The following MRO variants were observed in gnomAD, a reference collection of about 807,000 sequenced individuals.
MRO encodes the protein protein maestro.
MRO carries 28 observed loss-of-function variants against 31.0 expected under a neutral mutation model. The observed-to-expected ratio is 0.90, with a 90% CI of 0.67 to 1.24. MRO has a LOEUF of 1.24. Ranked by LOEUF, MRO falls within the 50% of genes most tolerant of loss-of-function variation. MRO has a pLI of 0.00. For missense variants in MRO, 332 were observed against 289.2 expected (o/e 1.15, Z -1.07); for synonymous variants, 108 against 108.4 (o/e 1.00, Z 0.02).
At chr18:50,807,608 T>C (rs1164001171) in intron 3 of MRO, among the ~76,000 whole-genome samples, 1 of 152,000 alleles carries the variant, frequency 6.6e-6, no homozygotes, top group African/African-American at 2.4e-5. Flanking sequence ...ATTTCAGCAC[T>C]GATCTAGTAC....
chr18:50,802,904 AT>A (rs1359164709), intron 5 of MRO, among the ~76,000 whole-genome samples: 2 of 147,756 alleles, frequency 1.4e-5, no homozygotes, highest in African/African-American at 5.2e-5. Flanking sequence ...GTGTTTGTGT[AT>A]GTGTGTGTGT....
At chr18:50,822,304 T>TGAGTGC (rs1164924184), upstream of MRO, among the ~76,000 whole-genome samples, 5 of 151,620 alleles carry the variant, frequency 3.3e-5, no homozygotes, top group African/African-American at 1.2e-4. Flanking sequence ...ACATGTGTAT[T>TGAGTGC]ACAATGTGTA....
intron 5 of MRO, among the ~76,000 whole-genome samples, chr18:50,802,911 T>TA (rs1913508601): frequency 8.5e-6 from 1 of 117,404 alleles, no homozygotes; most frequent in African/African-American, 3.6e-5. Flanking sequence ...TGTATGTGTG[T>TA]GTGTAGTGTG....
chr18:50,808,505 C>T (rs1282649785), intron 3 of MRO, among the ~76,000 whole-genome samples: 2 of 149,260 alleles, frequency 1.3e-5, no homozygotes, highest in African/African-American at 4.9e-5. Context: ...GTCGCCCAGG[C>T]TGCAGTGCAG....
Position 50,800,021 on chromosome 18 carries a change from C to A in MRO, c.693+15G>T. 6.3e-7 allele frequency: 1 copy of A among 1,588,824 alleles called. No homozygotes were observed. The highest frequency in any genetic ancestry group is 8.6e-7 in the Non-Finnish European group (1 of 1,157,610). On this transcript the variant is annotated intron_variant, in intron 7 of 7. Transcript: ENST00000398439. Reference sequence around the variant, plus strand: ...GGGACCGGAAAAGAATTCTCTCCTACCCTGGCTCACTCACCAGCTGCTGGT... The same window carrying A: ...GGGACCGGAAAAGAATTCTCTCCTAACCTGGCTCACTCACCAGCTGCTGGT...
chr18:50,821,652 C>T (rs891800180), upstream of MRO, among the ~76,000 whole-genome samples: 1 of 152,042 alleles, frequency 6.6e-6, no homozygotes, highest in African/African-American at 2.4e-5. Flanking sequence ...TGAACAGAAA[C>T]ACAACAAACT....
chr18:50,813,166 T>C (rs1436930963), intron 2 of MRO, among the ~76,000 whole-genome samples: 1 of 152,166 alleles, frequency 6.6e-6, no homozygotes, highest in Admixed American at 6.5e-5. Flanking sequence ...ATTTGGTCCA[T>C]GAAACCCCAG....
intron 2 of MRO, among the ~76,000 whole-genome samples, chr18:50,818,002 C>CG (rs1299860414): frequency 2.7e-4 from 31 of 116,042 alleles, no homozygotes; most frequent in Non-Finnish European, 5.2e-4. Context: ...CCACCCCCCG[C>CG]CCCATGCCCT....
At chr18:50,805,450 CT>C (rs1374639226) in intron 4 of MRO, 114 bp from the exon 5 acceptor site, 18 of 787,750 alleles carry the variant, frequency 2.3e-5, no homozygotes, top group Non-Finnish European at 3.2e-5. Flanking sequence ...CACACCAGGG[CT>C]TTTTTCAAGA....
In MRO at chr18:50,801,427, T is replaced by A; in HGVS notation, c.507A>T (p.Lys169Asn). The A allele has an allele frequency of 6.2e-7, 1 of 1,611,594 alleles. No individual in the cohort carries two copies. Among genetic ancestry groups the A allele is most frequent in the Non-Finnish European group, 8.5e-7 (1 of 1,178,464 alleles). Residue 169 changes from lysine to asparagine, a missense_variant, in exon 6 of 8, where the codon AAA becomes AAT. Physicochemically the swap from Lys to Asn is moderately conservative, Grantham distance 94 (BLOSUM62 0). Coordinates refer to ENST00000398439, the MANE Select transcript of MRO (RefSeq NM_031939.6). ...LAAFAGRKWK[K>N]FFTSQVKQTR... ...TCTGCTTAACCTGACTGGTGAAAAA[T>A]TTTTTCCATTTCCTCCCGGCAAAGG... is the stretch of plus-strand genomic sequence containing the variant.
chr18:50,806,595 G>T (rs570555133), intron 4 of MRO, 109 bp downstream of exon 4: 41 of 1,324,712 alleles, frequency 3.1e-5, no homozygotes, highest in Non-Finnish European at 3.8e-5. Context: ...TTGTTCCGGG[G>T]TGATAGATAA....
upstream of MRO, among the ~76,000 whole-genome samples, chr18:50,820,627 T>C (rs1016307887): frequency 1.3e-5 from 2 of 152,228 alleles, no homozygotes; most frequent in African/African-American, 4.8e-5. Flanking sequence ...TTACATAGAC[T>C]ATCTCATTCA....
At chr18:50,820,285 A>G (rs1915256144), upstream of MRO, among the ~76,000 whole-genome samples, 1 of 152,206 alleles carries the variant, frequency 6.6e-6, no homozygotes, top group Non-Finnish European at 1.5e-5. Flanking sequence ...CTGCTCAAGA[A>G]ACACCGTATG....
intron 2 of MRO, among the ~76,000 whole-genome samples, chr18:50,817,500 T>C (rs1915026210): frequency 6.8e-6 from 1 of 146,230 alleles, no homozygotes; most frequent in Admixed American, 6.8e-5. Flanking sequence ...CTCTAAAAAA[T>C]AAAAATAAAT....
intron 2 of MRO, chr18:50,815,293 T>G: frequency 3.7e-6 from 1 of 267,476 alleles, no homozygotes; most frequent in Admixed American, 3.8e-5. Flanking sequence ...TGGCTGGTCA[T>G]GGAGGAAACT....
chr18:50,815,626 A>G (rs1473349631), intron 2 of MRO: 2 of 323,448 alleles, frequency 6.2e-6, no homozygotes, highest in African/African-American at 2.2e-5. Context: ...CGATCAAATT[A>G]TGAATGCATG....
intron 5 of MRO, among the ~76,000 whole-genome samples, chr18:50,802,117 T>C (rs573048228): frequency 6.6e-6 from 1 of 152,348 alleles, no homozygotes; most frequent in Admixed American, 6.5e-5. Context: ...TTTTCATTTT[T>C]CTTTTTCTTT....
At chr18:50,810,569 C>CT (rs937005668) in intron 2 of MRO, among the ~76,000 whole-genome samples, 4 of 152,060 alleles carry the variant, frequency 2.6e-5, no homozygotes, top group African/African-American at 9.7e-5. Context: ...CTTTTTTCAC[C>CT]TTTTTTGTAT....
chr18:50,805,836 G>T (rs980393157), intron 4 of MRO, among the ~76,000 whole-genome samples: 1 of 152,164 alleles, frequency 6.6e-6, no homozygotes, highest in Non-Finnish European at 1.5e-5. Flanking sequence ...TATTGCTGAG[G>T]TGTCATGAGC....
Sources: allele counts gnomAD v4.1 joint callset (sites outside exome capture counted in the v4.1 genomes callset), GRCh38; gene constraint gnomAD v4.1.1; transcripts MANE v1.5; gene names NCBI Gene and HGNC (gene_info 2026-07-23, HGNC 2026-07-21).